GLI3: variants seen among roughly 807,000 people sequenced by gnomAD.
The protein encoded by GLI3 is GLI family zinc finger 3, also known as transcription activator GLI3.
GLI3 carries 20 observed loss-of-function variants against 100.8 expected under a neutral mutation model. That is an observed-to-expected ratio of 0.20 (90% confidence interval 0.14 to 0.29). The LOEUF is 0.29. Among genes scored for constraint, GLI3 ranks in the 10% least tolerant of loss-of-function variants. GLI3 has a pLI of 1.00. For synonymous variants in GLI3, 938 were observed against 860.5 expected (o/e 1.09, Z -1.58); for missense variants, 2,040 against 2,128.5 (o/e 0.96, Z 0.82).
At chr7:42,177,015 T>A (rs1787493247) in intron 2 of GLI3, among the ~76,000 whole-genome samples, 1 of 152,194 alleles carries the variant, frequency 6.6e-6, no homozygotes, top group Non-Finnish European at 1.5e-5. Context: ...GTTCATTGAT[T>A]TATCCATCCC....
Position 42,203,311 on chromosome 7 carries a change from C to T in GLI3, c.124+19819G>A, listed in dbSNP as rs144443142. 8.3e-4 allele frequency among the ~76,000 whole-genome samples: 126 copies of T among 152,276 alleles called. 2 individuals are homozygous for T. The East Asian group carries it at 0.022, about 26-fold the overall frequency. On this transcript the variant is annotated intron_variant, in intron 2 of 14. Coordinates refer to ENST00000395925, the MANE Select transcript of GLI3 (RefSeq NM_000168.6). ...AGGGTCATTAACTATAGTTACCATG[C>T]CGTACAATAGCTCTGTTGAACTTAT...
chr7:42,234,999 C>A (rs1788761660), intron 1 of GLI3, among the ~76,000 whole-genome samples: 1 of 152,202 alleles, frequency 6.6e-6, no homozygotes, highest in Non-Finnish European at 1.5e-5. Context: ...TAAACAAATT[C>A]TTCAGATACT....
At chr7:42,008,775 G>C (rs1425960178) in intron 10 of GLI3, among the ~76,000 whole-genome samples, 1 of 152,180 alleles carries the variant, frequency 6.6e-6, no homozygotes, top group African/African-American at 2.4e-5. Context: ...CTATAGTTGA[G>C]AATCACATTA....
chr7:41,987,095 G>GACACACACACACACACACAC (rs1323125464), intron 10 of GLI3, among the ~76,000 whole-genome samples: 1 of 73,254 alleles, frequency 1.4e-5, no homozygotes, highest in South Asian at 4.9e-4. Flanking sequence ...CACAGACACA[G>GACACACACACACACACACAC]ACACAGACAC....
upstream of GLI3, among the ~76,000 whole-genome samples, chr7:42,241,157 C>G (rs573508541): frequency 7.2e-5 from 11 of 152,262 alleles, no homozygotes; most frequent in South Asian, 2.3e-3. Context: ...TCTAGGGGCT[C>G]CAATAACGTC....
chr7:42,259,885 A>G (rs1169255536), intron 1 of GLI3, among the ~76,000 whole-genome samples: 3 of 152,210 alleles, frequency 2.0e-5, no homozygotes, highest in African/African-American at 7.2e-5. Flanking sequence ...GTGGGCATCT[A>G]TCTTCTACTC....
chr7:42,031,928 T>G (rs1283523089), intron 7 of GLI3, among the ~76,000 whole-genome samples: 1 of 152,224 alleles, frequency 6.6e-6, no homozygotes. Flanking sequence ...AAGAAAGTTC[T>G]GATGTAGATA....
intron 2 of GLI3, among the ~76,000 whole-genome samples, chr7:42,176,617 C>A (rs1182833937): frequency 2.0e-5 from 3 of 152,254 alleles, no homozygotes; most frequent in African/African-American, 7.2e-5. Flanking sequence ...GGGTCTAAGA[C>A]AATCTGCTTC....
upstream of GLI3, among the ~76,000 whole-genome samples, chr7:42,237,528 G>A (rs951450097): frequency 2.0e-5 from 3 of 151,550 alleles, no homozygotes; most frequent in African/African-American, 4.9e-5. Context: ...TCGGCTCCGC[G>A]CTCCCCTCCC....
chr7:42,055,752 T>G (rs1784446606), intron 4 of GLI3, among the ~76,000 whole-genome samples: 1 of 152,236 alleles, frequency 6.6e-6, no homozygotes, highest in East Asian at 1.9e-4. Context: ...TATTTTTCCA[T>G]GAATTCTTAA....
chr7:42,045,620 C>A, intron 5 of GLI3, 90 bp from the exon 6 acceptor site: 1 of 1,164,034 alleles, frequency 8.6e-7, no homozygotes, highest in South Asian at 1.3e-5. Flanking sequence ...TTACACAACC[C>A]ACATCAGCAA....
intron 4 of GLI3, among the ~76,000 whole-genome samples, chr7:42,054,090 C>T (rs764933404): frequency 2.0e-5 from 3 of 152,082 alleles, no homozygotes; most frequent in Admixed American, 1.3e-4. Flanking sequence ...ATTTTGTTTC[C>T]GTATTGCCCA....
chr7:42,169,953 G>A lies in GLI3; in HGVS notation c.125-21485C>T, dbSNP rs537962639. Among the ~76,000 whole-genome samples the A allele has an allele frequency of 2.0e-4, 30 of 150,624 alleles. 1 individual carries two copies. Among genetic ancestry groups the A allele is most frequent in the Admixed American group, 1.3e-3 (20 of 15,096 alleles). ...TATTTACTGTGTTTTCCAATATTTC[G>A]CTAAAATTAAAAAAAAAAATCAGGC... is the stretch of plus-strand genomic sequence containing the variant. On this transcript the variant is annotated intron_variant, in intron 2 of 14. Coordinates refer to ENST00000395925, the MANE Select transcript of GLI3 (RefSeq NM_000168.6).
Position 42,218,337 on chromosome 7 carries a change from C to G in GLI3, c.124+4793G>C, listed in dbSNP as rs903161974. Reference sequence around the variant, plus strand: ...GACAAGAGCTTATGGTGAAGAATAGCAGATAAATTTCAAACTTCCAACAAA... The same window carrying G: ...GACAAGAGCTTATGGTGAAGAATAGGAGATAAATTTCAAACTTCCAACAAA... On this transcript the variant is annotated intron_variant, in intron 2 of 14. Transcript: ENST00000395925. Among the ~76,000 whole-genome samples the G allele has an allele frequency of 2.6e-5, 4 of 151,898 alleles. 1 individual carries two copies. The South Asian group carries it at 8.3e-4, about 32-fold the overall frequency.
chr7:42,045,312 T>TC (rs1784223554), intron 6 of GLI3, 72 bp downstream of exon 6: 2 of 1,369,870 alleles, frequency 1.5e-6, no homozygotes, highest in Admixed American at 1.7e-5. Flanking sequence ...CTAATCTTTG[T>TC]ATCTTCTTCT....
Position 41,962,216 on chromosome 7 carries a change from T to C in GLI3, c.*2114A>G, listed in dbSNP as rs1205710938. The C allele has an allele frequency of 1.3e-5, 2 of 152,100 alleles. No individual in the cohort carries two copies. Among genetic ancestry groups the C allele is most frequent in the African/African-American group, 4.8e-5 (2 of 41,408 alleles). The allele number at this position is 152,100 out of a possible 1,614,324, so 9.4% of individuals were successfully genotyped here. A position where few individuals can be genotyped will look rare whatever the true frequency, so the allele number is the denominator to read the frequency against. ...GTCCCTTCCACCCAAGCTCCTTTCTTAGGAGGAGTGGAGAACACTCAGGCC... is the reference window on the plus strand; with the variant it reads ...GTCCCTTCCACCCAAGCTCCTTTCTCAGGAGGAGTGGAGAACACTCAGGCC... On this transcript the variant is annotated 3_prime_UTR_variant, in exon 15 of 15. Coordinates refer to ENST00000395925, the MANE Select transcript of GLI3 (RefSeq NM_000168.6).
intron 3 of GLI3, among the ~76,000 whole-genome samples, chr7:42,120,933 G>A (rs1385606842): frequency 6.6e-6 from 1 of 152,158 alleles, no homozygotes; most frequent in African/African-American, 2.4e-5. Context: ...ATGTTCATGG[G>A]ATATAAAATG....
intron 2 of GLI3, among the ~76,000 whole-genome samples, chr7:42,215,245 CAT>C (rs1274083581): frequency 6.6e-6 from 1 of 152,148 alleles, no homozygotes; most frequent in Non-Finnish European, 1.5e-5. Context: ...TTTCAAAACT[CAT>C]AGAACGGCAC....
chr7:42,085,511 C>T (rs1029865265), intron 3 of GLI3, among the ~76,000 whole-genome samples: 6 of 152,122 alleles, frequency 3.9e-5, no homozygotes, highest in Admixed American at 2.6e-4. Context: ...ATTATCAAGA[C>T]AATCCTGAGA....
Sources: gnomAD v4.1 joint callset for allele counts (sites outside exome capture counted in the v4.1 genomes callset) on GRCh38, gnomAD v4.1.1 for gene constraint, MANE v1.5 for transcripts, NCBI Gene and HGNC (gene_info 2026-07-23, HGNC 2026-07-21) for gene names.